OSCP1: variants seen among roughly 807,000 people sequenced by gnomAD.
The protein encoded by OSCP1 is protein OSCP1.
OSCP1 carries 35 observed loss-of-function variants against 45.1 expected under a neutral mutation model. The ratio of observed to expected loss-of-function variants is 0.78; its 90% CI spans 0.59 to 1.03. The LOEUF (loss-of-function observed/expected upper bound fraction) is 1.03, where lower values mean the gene tolerates loss of function less well. Ranked by LOEUF, OSCP1 falls within the 50% of genes least tolerant of loss-of-function variation. The pLI is 0.00. For synonymous variants in OSCP1, 179 were observed against 180.1 expected (o/e 0.99, Z 0.05); for missense variants, 400 against 470.7 (o/e 0.85, Z 1.39).
intron 4 of OSCP1, among the ~76,000 whole-genome samples, chr1:36,427,299 C>CTTTTTTTTTTTTTTTTTTTTTTTTTTT (rs71053929): frequency 1.0e-5 from 1 of 96,304 alleles, no homozygotes; most frequent in African/African-American, 4.8e-5. Context: ...GGCGCCTGGC[C>CTTTTTTTTTTTTTTTTTTTTTTTTTTT]TTTTTTTTTT....
At chr1:36,441,640 T>C (rs1649166051) in intron 1 of OSCP1, among the ~76,000 whole-genome samples, 1 of 145,242 alleles carries the variant, frequency 6.9e-6, no homozygotes, top group Admixed American at 7.3e-5. Flanking sequence ...CAGTCCCAGC[T>C]ACCGGGAGGC....
At chr1:36,418,879 G>T in intron 9 of OSCP1, 112 bp downstream of exon 9, 1 of 864,308 alleles carries the variant, frequency 1.2e-6, no homozygotes, top group Non-Finnish European at 1.8e-6. Flanking sequence ...GGTAAGCTGA[G>T]ATCAAGCCAC....
At chr1:36,420,842 C>T (rs75946700) in intron 7 of OSCP1, among the ~76,000 whole-genome samples, 2 of 152,144 alleles carry the variant, frequency 1.3e-5, no homozygotes, top group Admixed American at 1.3e-4. Context: ...TCATACTTTC[C>T]GCAAGAGTGG....
intron 4 of OSCP1, among the ~76,000 whole-genome samples, chr1:36,427,042 C>T (rs1648008191): frequency 6.7e-6 from 1 of 149,920 alleles, no homozygotes; most frequent in Non-Finnish European, 1.5e-5. Context: ...GCTCTGTCGC[C>T]CAGGCTAGAG....
chr1:36,433,918 C>G (rs1435994074), intron 2 of OSCP1, among the ~76,000 whole-genome samples: 1 of 151,986 alleles, frequency 6.6e-6, no homozygotes, highest in East Asian at 1.9e-4. Context: ...AGACTTAAGG[C>G]CTGGAAAAAA....
chr1:36,435,094 T>TC (rs201063720), intron 2 of OSCP1, among the ~76,000 whole-genome samples: 32 of 115,276 alleles, frequency 2.8e-4, no homozygotes, highest in African/African-American at 8.8e-4. Flanking sequence ...TCTTTTTCTT[T>TC]TTTTTTTTTT....
chr1:36,446,657 G>A (rs1308323607), intron 1 of OSCP1, among the ~76,000 whole-genome samples: 1 of 152,146 alleles, frequency 6.6e-6, no homozygotes, highest in African/African-American at 2.4e-5. Flanking sequence ...AGTGGGGGCA[G>A]GCCCAAGGCT....
chr1:36,418,423 G>T, intron 9 of OSCP1, 168 bp from the exon 10 acceptor site: 1 of 623,070 alleles, frequency 1.6e-6, no homozygotes, highest in Non-Finnish European at 2.8e-6. Context: ...GAAGAAGAGG[G>T]TCTATATATT....
Position 36,419,048 on chromosome 1 carries a change from TG to T in OSCP1, c.965del (p.Ala322GlufsTer3), listed in dbSNP as rs1647454731. 3.7e-6 allele frequency: 6 copies of T among 1,612,056 alleles called. No individual in the cohort carries two copies. Among genetic ancestry groups the T allele is most frequent in the Non-Finnish European group, 5.1e-6 (6 of 1,178,086 alleles). ...ATAACTCTTCTGGCCTGGTTAGCGCTGCTTGTCTGGATGAGATGGTAAAGAA... is the reference window on the plus strand; with the variant it reads ...ATAACTCTTCTGGCCTGGTTAGCGCTCTTGTCTGGATGAGATGGTAAAGAA... ...LFTTDEEEEQ[A>X]ALTRPEELSY... On this transcript the variant is annotated frameshift_variant, in exon 9 of 10. Coordinates refer to ENST00000235532, the MANE Select transcript of OSCP1 (RefSeq NM_145047.5). LOFTEE classifies it high-confidence loss of function.
chr1:36,426,032 C>T (rs908785002), intron 4 of OSCP1, among the ~76,000 whole-genome samples: 66 of 152,030 alleles, frequency 4.3e-4, no homozygotes, highest in African/African-American at 5.3e-4. Context: ...GTGTGAGTCA[C>T]GTTTTCAGGG....
rs2124773594 is a variant in OSCP1 at position 36,420,526 on chromosome 1, G to A, written c.909C>T (p.Gly303=). Residue 303 remains glycine, a synonymous_variant, in exon 8 of 10, where the codon GGC becomes GGT. Coordinates refer to ENST00000235532, the MANE Select transcript of OSCP1 (RefSeq NM_145047.5). ...GATTCAACCGGAATCCGGGCTCAGGGCCACTGGGTTTCTTAATCTCCATCC... is the reference window on the plus strand; with the variant it reads ...GATTCAACCGGAATCCGGGCTCAGGACCACTGGGTTTCTTAATCTCCATCC... The part of the protein sequence containing the change: ...MGGMEIKKPS[G]PEPGFRLNLF... The A allele has an allele frequency of 6.2e-7, 1 of 1,614,052 alleles. No individual in the cohort carries two copies. The highest frequency in any genetic ancestry group is 8.5e-7 in the Non-Finnish European group (1 of 1,180,002).
intron 4 of OSCP1, among the ~76,000 whole-genome samples, chr1:36,431,023 C>T (rs59451005): frequency 0.021 from 3,125 of 152,294 alleles, 101 homozygotes; most frequent in African/African-American, 0.071. Context: ...CATTCTGGTT[C>T]TGAGTCAAGT....
intron 4 of OSCP1, among the ~76,000 whole-genome samples, chr1:36,429,960 G>C (rs1429146671): frequency 6.6e-6 from 1 of 151,868 alleles, no homozygotes; most frequent in Non-Finnish European, 1.5e-5. Context: ...AAAGGCGCCT[G>C]GCTAATTTTT....
chr1:36,419,076 A>C (rs1302102510), intron 8 of OSCP1, 22 bp from the exon 9 acceptor site: 2 of 1,593,344 alleles, frequency 1.3e-6, no homozygotes, highest in Non-Finnish European at 1.7e-6. Flanking sequence ...GGTAAAGAAA[A>C]TGGGTGCAAC....
chr1:36,446,929 C>T (rs1453992674), intron 1 of OSCP1, among the ~76,000 whole-genome samples: 6 of 152,188 alleles, frequency 3.9e-5, no homozygotes, highest in Non-Finnish European at 7.3e-5. Context: ...ATGCAACACT[C>T]GATAGTTGCC....
At chr1:36,421,160 C>T (rs1480762176) in intron 7 of OSCP1, among the ~76,000 whole-genome samples, 1 of 152,124 alleles carries the variant, frequency 6.6e-6, no homozygotes, top group African/African-American at 2.4e-5. Flanking sequence ...TCTCATTTCT[C>T]CCTGGCTTGA....
chr1:36,430,951 C>T (rs78301175), intron 4 of OSCP1, among the ~76,000 whole-genome samples: 7,889 of 152,194 alleles, frequency 0.052, 621 homozygotes, highest in African/African-American at 0.17. Flanking sequence ...CACTGCGCTC[C>T]GCCGACTCTA....
chr1:36,421,975 T>TA, intron 7 of OSCP1, 175 bp downstream of exon 7: 1 of 632,880 alleles, frequency 1.6e-6, no homozygotes, highest in Admixed American at 2.9e-5. Flanking sequence ...ACTGGAAGTC[T>TA]CCATGAAAAG....
At chr1:36,431,957 G>C (rs1648394633) in intron 3 of OSCP1, 75 bp from the exon 4 acceptor site, 3 of 1,378,008 alleles carry the variant, frequency 2.2e-6, no homozygotes, top group Non-Finnish European at 3.0e-6. Flanking sequence ...GGGCAGATGG[G>C]TACTCAGGGA....
Sources: allele counts gnomAD v4.1 joint callset (sites outside exome capture counted in the v4.1 genomes callset), GRCh38; gene constraint gnomAD v4.1.1; transcripts MANE v1.5; gene names NCBI Gene and HGNC (gene_info 2026-07-23, HGNC 2026-07-21).